FAF1: variants seen among roughly 807,000 people sequenced by gnomAD.
FAF1 encodes FAS-associated factor 1.
A neutral mutation model predicts 92.5 loss-of-function variants in FAF1; 25 were observed. That is an observed-to-expected ratio of 0.27 (90% CI 0.20 to 0.38). The LOEUF (loss-of-function observed/expected upper bound fraction) is 0.38. Ranked by LOEUF, FAF1 falls within the 10% of genes least tolerant of loss-of-function variation. FAF1 has a pLI of 1.00. For missense variants in FAF1, 636 were observed against 793.3 expected, an observed-to-expected ratio of 0.80 and a Z score of 2.38; for synonymous variants, 234 against 273.2, an observed-to-expected ratio of 0.86 and a Z score of 1.42.
chr1:50,915,301 C>T (rs766106229), intron 1 of FAF1, among the ~76,000 whole-genome samples: 3 of 148,510 alleles, frequency 2.0e-5, no homozygotes, highest in East Asian at 2.0e-4. Flanking sequence ...ACCTGGGAGG[C>T]GGAGGTTGCA....
At chr1:50,945,266 G>A (rs376288347) in intron 1 of FAF1, among the ~76,000 whole-genome samples, 7 of 152,328 alleles carry the variant, frequency 4.6e-5, no homozygotes, top group Middle Eastern at 3.4e-3. Flanking sequence ...GCCAGAGCCA[G>A]CTGATTGGAC....
At chr1:50,957,347 CTTTT>C (rs1188286312) in intron 1 of FAF1, among the ~76,000 whole-genome samples, 6 of 104,240 alleles carry the variant, frequency 5.8e-5, no homozygotes, top group South Asian at 3.6e-4. Context: ...TTTTCATTTT[CTTTT>C]TTTTTTTTTT....
chr1:50,766,046 C>T (rs191938871), intron 4 of FAF1, among the ~76,000 whole-genome samples: 19 of 152,098 alleles, frequency 1.2e-4, no homozygotes, highest in African/African-American at 3.9e-4. Context: ...GAGCCGAGAT[C>T]GCGCCATTGC....
At chr1:50,656,847 C>A (rs543615712) in intron 7 of FAF1, among the ~76,000 whole-genome samples, 1 of 151,998 alleles carries the variant, frequency 6.6e-6, no homozygotes, top group African/African-American at 2.4e-5. Flanking sequence ...CGTGCCACTG[C>A]GCTCCAGCCT....
At chr1:50,692,241 CTGTGTGTGTGTGTGTGTGTGTGTGTG>C (rs59187392) in intron 7 of FAF1, among the ~76,000 whole-genome samples, 5 of 129,082 alleles carry the variant, frequency 3.9e-5, no homozygotes, top group East Asian at 2.5e-4. Context: ...GAAGTATTTA[CTGTGTGTGTGTGTGTGTGTGTGTGTG>C]TGTGTGTGTG....
chr1:50,714,839 G>A (rs532472287), intron 6 of FAF1, among the ~76,000 whole-genome samples: 2 of 152,176 alleles, frequency 1.3e-5, no homozygotes, highest in East Asian at 3.9e-4. Context: ...CAGAGCCCCT[G>A]GGCAGACAGA....
At chr1:50,755,693 C>T (rs1660049007) in intron 4 of FAF1, among the ~76,000 whole-genome samples, 1 of 152,208 alleles carries the variant, frequency 6.6e-6, no homozygotes, top group African/African-American at 2.4e-5. Context: ...CAGCAAGCTT[C>T]TGCCTGGGCA....
chr1:50,625,469 A>G (rs1350673819), intron 8 of FAF1, among the ~76,000 whole-genome samples: 1 of 152,252 alleles, frequency 6.6e-6, no homozygotes. Context: ...CAATGTGGTT[A>G]AGTCCCACAA....
intron 1 of FAF1, among the ~76,000 whole-genome samples, chr1:50,923,128 G>C (rs1421845009): frequency 1.3e-5 from 2 of 152,140 alleles, no homozygotes; most frequent in African/African-American, 4.8e-5. Flanking sequence ...CAGTAATAAA[G>C]TCTCCTAAGG....
intron 14 of FAF1, among the ~76,000 whole-genome samples, chr1:50,537,690 T>C (rs1435044100): frequency 1.3e-5 from 2 of 152,190 alleles, no homozygotes; most frequent in Non-Finnish European, 2.9e-5. Flanking sequence ...AGCAGCATTG[T>C]AACATTTTTG....
chr1:50,606,764 G>A (rs1652446678), intron 8 of FAF1: 1 of 152,548 alleles, frequency 6.6e-6, no homozygotes, highest in Admixed American at 6.5e-5. Flanking sequence ...GCCTCCCAAA[G>A]TGCTGGTATT....
chr1:50,937,859 T>C (rs921480411), intron 1 of FAF1, among the ~76,000 whole-genome samples: 3 of 152,170 alleles, frequency 2.0e-5, no homozygotes, highest in African/African-American at 7.2e-5. Context: ...AATCGAAAAA[T>C]CTTTGTCAAG....
At chr1:50,688,970 T>C (rs552111375) in intron 7 of FAF1, among the ~76,000 whole-genome samples, 1 of 152,134 alleles carries the variant, frequency 6.6e-6, no homozygotes, top group Non-Finnish European at 1.5e-5. Flanking sequence ...CTAGGGTGGT[T>C]ACATTAAGAA....
chr1:50,936,434 T>C (rs764703785), intron 1 of FAF1, among the ~76,000 whole-genome samples: 2 of 152,132 alleles, frequency 1.3e-5, no homozygotes, highest in Non-Finnish European at 2.9e-5. Context: ...CACAAGTCTA[T>C]GAAGACAGAG....
chr1:50,789,689 T>C (rs955719788), intron 3 of FAF1, among the ~76,000 whole-genome samples: 1 of 152,186 alleles, frequency 6.6e-6, no homozygotes, highest in Non-Finnish European at 1.5e-5. Context: ...ATCATGCCCC[T>C]AGAGTGAAAT....
chr1:50,613,864 C>A (rs1215445974), intron 8 of FAF1, among the ~76,000 whole-genome samples: 1 of 151,880 alleles, frequency 6.6e-6, no homozygotes, highest in Admixed American at 6.6e-5. Context: ...TTTGGGAGGC[C>A]GAGGCGGGCA....
At chr1:50,628,324 C>T (rs1402863823) in intron 8 of FAF1, among the ~76,000 whole-genome samples, 1 of 152,098 alleles carries the variant, frequency 6.6e-6, no homozygotes, top group Admixed American at 6.5e-5. Context: ...CATTTTCTGT[C>T]CCCATATTCA....
chr1:50,821,161 C>T (rs1227663640), intron 2 of FAF1, among the ~76,000 whole-genome samples: 1 of 152,130 alleles, frequency 6.6e-6, no homozygotes, highest in Non-Finnish European at 1.5e-5. Context: ...AGATAAAGTA[C>T]TCTGTGTTAG....
chr1:50,668,801 T>C (rs553686663), intron 7 of FAF1, among the ~76,000 whole-genome samples: 22 of 152,202 alleles, frequency 1.4e-4, no homozygotes, highest in African/African-American at 4.6e-4. Flanking sequence ...ATACCAGGAA[T>C]ACCTTAGCAA....
Sources: gnomAD v4.1 joint callset for allele counts (sites outside exome capture counted in the v4.1 genomes callset) on GRCh38, gnomAD v4.1.1 for gene constraint, MANE v1.5 for transcripts, NCBI Gene and HGNC (gene_info 2026-07-23, HGNC 2026-07-21) for gene names.